Variants in NELL2 observed in about 807,000 individuals in gnomAD.
The protein encoded by NELL2 is neural EGFL like 2, also known as protein kinase C-binding protein NELL2.
A neutral mutation model predicts 109.6 loss-of-function variants in NELL2; 41 were observed. The ratio of observed to expected loss-of-function variants is 0.37; its 90% CI spans 0.29 to 0.49. The LOEUF (loss-of-function observed/expected upper bound fraction) is 0.49. Among genes scored for constraint, NELL2 ranks in the 20% least tolerant of loss-of-function variants. The pLI is 0.98. For synonymous variants in NELL2, 355 were observed against 344.7 expected (o/e 1.03, Z -0.33); for missense variants, 900 against 1,008.3 (o/e 0.89, Z 1.45).
chr12:44,855,345 A>C lies in NELL2; in HGVS notation c.184+19880T>G, dbSNP rs573900225. Reference sequence around the variant, plus strand: ...GGAAAGCCAGGGAATCTTTTTAACAAGGCATTCAATAAACCACTGATCATC... The same window carrying C: ...GGAAAGCCAGGGAATCTTTTTAACACGGCATTCAATAAACCACTGATCATC... On this transcript the variant is annotated intron_variant, in intron 2 of 19. Transcript: ENST00000429094. 9.2e-5 allele frequency among the ~76,000 whole-genome samples: 14 copies of C among 152,318 alleles called. No homozygotes were observed. In the South Asian group the frequency reaches 2.1e-3, roughly 23 times the overall value.
chr12:44,529,281 T>G (rs950286961), intron 16 of NELL2, among the ~76,000 whole-genome samples: 2 of 151,906 alleles, frequency 1.3e-5, no homozygotes, highest in Admixed American at 1.3e-4. Flanking sequence ...GAATGTGAGA[T>G]ATGAGGAAAA....
chr12:44,810,992 G>A (rs940936210), intron 3 of NELL2, among the ~76,000 whole-genome samples: 1 of 151,724 alleles, frequency 6.6e-6, no homozygotes, highest in Non-Finnish European at 1.5e-5. Context: ...AAATACATGC[G>A]GCCATAAAAA....
At chr12:44,533,442 T>C (rs532094943) in intron 15 of NELL2, among the ~76,000 whole-genome samples, 3 of 152,132 alleles carry the variant, frequency 2.0e-5, no homozygotes, top group South Asian at 2.1e-4. Flanking sequence ...ATGTAGATAG[T>C]ACATTGAACA....
chr12:44,674,801 T>A (rs377180406), intron 12 of NELL2, among the ~76,000 whole-genome samples: 15 of 152,250 alleles, frequency 9.9e-5, no homozygotes, highest in East Asian at 7.7e-4. Flanking sequence ...GAGTCTTAAG[T>A]GGTTACTAAT....
At chr12:44,677,868 A>C (rs778426527) in intron 12 of NELL2, among the ~76,000 whole-genome samples, 12 of 151,542 alleles carry the variant, frequency 7.9e-5, no homozygotes, top group Admixed American at 5.9e-4. Context: ...AGCTACAGAG[A>C]AGCATAGTTT....
chr12:44,610,783 A>G, intron 14 of NELL2, 65 bp downstream of exon 14: 1 of 1,600,874 alleles, frequency 6.2e-7, no homozygotes, highest in Non-Finnish European at 8.6e-7. Context: ...GATAAGGTGT[A>G]GAGGAAGGTA....
At chr12:44,894,974 A>T (rs1469761496) in intron 1 of NELL2, among the ~76,000 whole-genome samples, 1 of 152,188 alleles carries the variant, frequency 6.6e-6, no homozygotes. Flanking sequence ...CTCCCTTTAT[A>T]TGCATCATAA....
chr12:44,514,016 T>A (rs1941134833), intron 19 of NELL2, among the ~76,000 whole-genome samples: 1 of 142,608 alleles, frequency 7.0e-6, no homozygotes, highest in Non-Finnish European at 1.5e-5. Flanking sequence ...AGATAGAGAA[T>A]CATGAAAGGA....
intron 9 of NELL2, among the ~76,000 whole-genome samples, chr12:44,739,510 A>G (rs1592432686): frequency 6.6e-6 from 1 of 152,228 alleles, no homozygotes; most frequent in Admixed American, 6.5e-5. Context: ...GAATAGCTCC[A>G]TATCTTAAAA....
intron 12 of NELL2, among the ~76,000 whole-genome samples, chr12:44,697,061 C>T (rs1443121895): frequency 6.6e-6 from 1 of 152,168 alleles, no homozygotes; most frequent in Non-Finnish European, 1.5e-5. Flanking sequence ...CCAACTTTAA[C>T]ATAGGCTAAT....
intron 15 of NELL2, among the ~76,000 whole-genome samples, chr12:44,570,166 C>T (rs1200775834): frequency 1.3e-5 from 2 of 152,152 alleles, no homozygotes; most frequent in African/African-American, 2.4e-5. Flanking sequence ...ATTAATTCTT[C>T]AAGTATGTAA....
intron 3 of NELL2, among the ~76,000 whole-genome samples, chr12:44,804,842 G>A (rs1470702): frequency 1.3e-5 from 2 of 151,428 alleles, no homozygotes; most frequent in African/African-American, 4.8e-5. Context: ...CAAAAATTTT[G>A]TTATTATACT....
chr12:44,680,290 TAATC>T (rs546172387), intron 12 of NELL2, among the ~76,000 whole-genome samples: 12 of 152,258 alleles, frequency 7.9e-5, no homozygotes, highest in Admixed American at 7.2e-4. Context: ...TTGACAATCT[TAATC>T]AATGTTTAAT....
intron 13 of NELL2, among the ~76,000 whole-genome samples, chr12:44,648,934 G>GTA (rs1254949348): frequency 6.7e-6 from 1 of 149,040 alleles, no homozygotes. Flanking sequence ...GTGTGTGTGT[G>GTA]TGTGTGTGTT....
At chr12:44,744,086 T>C (rs1273418999) in intron 9 of NELL2, among the ~76,000 whole-genome samples, 1 of 151,980 alleles carries the variant, frequency 6.6e-6, no homozygotes, top group African/African-American at 2.4e-5. Flanking sequence ...GGAATAGAAA[T>C]TATAACAAAC....
intron 12 of NELL2, among the ~76,000 whole-genome samples, chr12:44,679,628 G>A (rs1418726512): frequency 1.3e-5 from 2 of 152,122 alleles, no homozygotes; most frequent in East Asian, 1.9e-4. Context: ...CTTTAAGTTA[G>A]TGTCTGGTAA....
chr12:44,768,983 G>A (rs1566350681), intron 9 of NELL2, among the ~76,000 whole-genome samples: 2 of 149,690 alleles, frequency 1.3e-5, no homozygotes, highest in African/African-American at 4.9e-5. Flanking sequence ...CATAAATTAT[G>A]TTTTCCCCCT....
chr12:44,581,714 T>C (rs1393527126), intron 15 of NELL2, among the ~76,000 whole-genome samples: 10 of 152,208 alleles, frequency 6.6e-5, no homozygotes, highest in Non-Finnish European at 1.5e-4. Flanking sequence ...TAATGCCATT[T>C]TCCCCTTGAG....
intron 2 of NELL2, among the ~76,000 whole-genome samples, chr12:44,863,478 A>G (rs927710953): frequency 6.6e-6 from 1 of 152,044 alleles, no homozygotes; most frequent in Non-Finnish European, 1.5e-5. Context: ...GAAGTCTTAC[A>G]GACGAGGAGA....
Sources: allele counts gnomAD v4.1 joint callset (sites outside exome capture counted in the v4.1 genomes callset), GRCh38; gene constraint gnomAD v4.1.1; transcripts MANE v1.5; gene names NCBI Gene and HGNC (gene_info 2026-07-23, HGNC 2026-07-21).